The following COL28A1 variants were observed in gnomAD, a reference collection of about 807,000 sequenced individuals.
COL28A1 encodes the protein collagen alpha-1(XXVIII) chain.
A neutral mutation model predicts 150.2 loss-of-function variants in COL28A1; 161 were observed. The ratio of observed to expected loss-of-function variants is 1.07; its 90% confidence interval spans 0.94 to 1.22. The LOEUF is 1.22. Among genes scored for constraint, COL28A1 ranks in the 50% most tolerant of loss-of-function variants. The pLI is 0.00. For missense variants in COL28A1, 1,617 were observed against 1,388.3 expected (o/e 1.16, Z -2.62); for synonymous variants, 552 against 469.7 (o/e 1.18, Z -2.26).
At chr7:7,469,625 G>C (rs1312389848) in intron 15 of COL28A1, among the ~76,000 whole-genome samples, 2 of 99,624 alleles carry the variant, frequency 2.0e-5, no homozygotes, top group Admixed American at 2.4e-4. Flanking sequence ...AGTTCATATG[G>C]AACCAAAAAA....
intron 13 of COL28A1, among the ~76,000 whole-genome samples, chr7:7,479,011 G>T (rs1178666279): frequency 6.6e-6 from 1 of 152,360 alleles, no homozygotes; most frequent in South Asian, 2.1e-4. Context: ...GGGCTGAAGG[G>T]CTCCTCAAGC....
At chr7:7,341,211 G>A in the COL28A1 span, among the ~76,000 whole-genome samples, 7 of 152,050 alleles carry the variant, frequency 4.6e-5, no homozygotes, top group South Asian at 2.1e-4. Context: ...ATTTGTGCCC[G>A]ATCTCTTTTT....
chr7:7,399,914 G>T (rs1244991490), intron 27 of COL28A1, among the ~76,000 whole-genome samples: 1 of 152,218 alleles, frequency 6.6e-6, no homozygotes, highest in African/African-American at 2.4e-5. Flanking sequence ...AGTATGCAAT[G>T]CCAGCCAGAA....
intron 27 of COL28A1, among the ~76,000 whole-genome samples, chr7:7,410,786 T>C (rs548904781): frequency 1.3e-5 from 2 of 152,298 alleles, no homozygotes; most frequent in South Asian, 4.1e-4. Flanking sequence ...GGTTATGAGT[T>C]TAGAAGATGA....
rs527979515 is a variant in COL28A1, at chr7:7,375,234, C to T, written c.2359+227G>A. Among the ~76,000 whole-genome samples, 10 of 152,280 alleles carry T rather than the reference C, an allele frequency of 6.6e-5. No homozygotes were observed. In the South Asian group the frequency reaches 1.7e-3, roughly 25 times the overall value. On this transcript the variant is annotated intron_variant, in intron 31 of 34. Transcript: ENST00000399429. ...GCTGCCTACATACCCTAGGCTGGCA[C>T]CTTCACATGCCTTAACCAGCCTGGG...
chr7:7,511,685 G>A (rs747200721), intron 8 of COL28A1: 50 of 466,438 alleles, frequency 1.1e-4, no homozygotes, highest in South Asian at 3.0e-4. Context: ...CTGGAGAACC[G>A]TGAGAGAAAG....
intron 27 of COL28A1, among the ~76,000 whole-genome samples, chr7:7,393,563 T>C (rs1029062965): frequency 1.3e-5 from 2 of 152,090 alleles, no homozygotes; most frequent in African/African-American, 4.8e-5. Flanking sequence ...CAGTCTCCCC[T>C]TCCCCCAGGT....
intron 27 of COL28A1, among the ~76,000 whole-genome samples, chr7:7,410,232 AGGT>A (rs1783705333): frequency 6.6e-6 from 1 of 152,176 alleles, no homozygotes; most frequent in African/African-American, 2.4e-5. Flanking sequence ...TTTATAACCC[AGGT>A]AATTGTTTAC....
chr7:7,351,337 C>G (rs1409560394), downstream of COL28A1, among the ~76,000 whole-genome samples: 1 of 152,152 alleles, frequency 6.6e-6, no homozygotes, highest in Non-Finnish European at 1.5e-5. Flanking sequence ...ATTGGCTTTA[C>G]AAGGTCAGAG....
chr7:7,539,704 C>T (rs1258365390), upstream of COL28A1, among the ~76,000 whole-genome samples: 2 of 152,136 alleles, frequency 1.3e-5, no homozygotes, highest in African/African-American at 4.8e-5. Flanking sequence ...AGTTCCTATG[C>T]CCTCACCAAA....
intron 25 of COL28A1, among the ~76,000 whole-genome samples, chr7:7,423,928 G>A (rs891812084): frequency 1.2e-4 from 19 of 152,216 alleles, no homozygotes; most frequent in African/African-American, 4.6e-4. Context: ...TGTTCTCTCT[G>A]TCCCGCAGCC....
intron 31 of COL28A1, among the ~76,000 whole-genome samples, chr7:7,374,038 A>AAAAAAAAAAAAAAATATATATATAT: frequency 5.3e-5 from 6 of 113,628 alleles, no homozygotes; most frequent in African/African-American, 2.3e-4. Flanking sequence ...AAAAAAAAAA[A>AAAAAAAAAAAAAAATATATATATAT]ATATATATAT....
the COL28A1 span, among the ~76,000 whole-genome samples, chr7:7,344,306 AT>A: frequency 4.5e-3 from 674 of 151,162 alleles, 3 homozygotes; most frequent in African/African-American, 0.015. Flanking sequence ...GTTTTTGTTC[AT>A]TTTTTTTCTT....
chr7:7,367,602 G>T (rs1413868534), intron 33 of COL28A1, among the ~76,000 whole-genome samples: 1 of 151,992 alleles, frequency 6.6e-6, no homozygotes, highest in African/African-American at 2.4e-5. Flanking sequence ...TATTTTGGTT[G>T]TATTTTTCTT....
At chr7:7,366,424 T>C (rs1424975197) in intron 33 of COL28A1, among the ~76,000 whole-genome samples, 1 of 152,208 alleles carries the variant, frequency 6.6e-6, no homozygotes, top group Non-Finnish European at 1.5e-5. Flanking sequence ...CTTCCAGGTC[T>C]AGAATATTTC....
intron 23 of COL28A1, among the ~76,000 whole-genome samples, chr7:7,434,391 T>C (rs1463337284): frequency 6.6e-6 from 1 of 152,184 alleles, no homozygotes; most frequent in Non-Finnish European, 1.5e-5. Context: ...TCTAAACATC[T>C]GCATATGAAA....
the COL28A1 span, among the ~76,000 whole-genome samples, chr7:7,344,419 TTGGTC>T: frequency 6.6e-6 from 1 of 152,120 alleles, no homozygotes; most frequent in Non-Finnish European, 1.5e-5. Flanking sequence ...TTTTTAATAG[TTGGTC>T]TAGTGATTAT....
rs1392286471 is a variant in COL28A1, at chr7:7,381,552, C to T, written c.2197G>A (p.Gly733Ser). The T allele has an allele frequency of 6.2e-7, 1 of 1,613,372 alleles. No individual in the cohort carries two copies. The highest frequency in any genetic ancestry group is 8.5e-7 in the Non-Finnish European group (1 of 1,179,334). ...PKGTMGHGLPGQKGEHGERGD... is the reference protein window; with the variant it reads ...PKGTMGHGLPSQKGEHGERGD... ...GATCCTGAGACACTTACCTTCTGGC[C>T]TGGGAGGCCATGGCCCATTGTGCCC... is the stretch of plus-strand genomic sequence containing the variant. The change falls in exon 28 of 35, where the codon GGC becomes AGC. Residue 733 changes from glycine (G) to serine (S), a missense_variant. Coordinates refer to ENST00000399429, the MANE Select transcript of COL28A1 (RefSeq NM_001037763.3).
chr7:7,517,272 C>A (rs1781466969), intron 7 of COL28A1, among the ~76,000 whole-genome samples: 1 of 152,096 alleles, frequency 6.6e-6, no homozygotes, highest in African/African-American at 2.4e-5. Flanking sequence ...CCGTACACAT[C>A]TCTGCTATTT....
Sources: allele counts gnomAD v4.1 joint callset (sites outside exome capture counted in the v4.1 genomes callset), GRCh38; gene constraint gnomAD v4.1.1; transcripts MANE v1.5; gene names NCBI Gene and HGNC (gene_info 2026-07-23, HGNC 2026-07-21).